Variants in SNAP25 observed in about 807,000 individuals in gnomAD.
The protein encoded by SNAP25 is synaptosome associated protein 25.
SNAP25 carries 3 observed loss-of-function variants against 28.7 expected under a neutral mutation model. That is an observed-to-expected ratio of 0.10 (90% confidence interval 0.05 to 0.27). SNAP25 has a LOEUF of 0.27. SNAP25 is among the 10% of genes least tolerant of loss of function. The pLI is 1.00. For synonymous variants in SNAP25, 61 were observed against 88.1 expected (o/e 0.69, Z 1.72); for missense variants, 117 against 278.7 (o/e 0.42, Z 4.13).
chr20:10,257,770 C>G (rs1017944997), intron 1 of SNAP25, among the ~76,000 whole-genome samples: 1 of 149,454 alleles, frequency 6.7e-6, no homozygotes, highest in Non-Finnish European at 1.5e-5. Flanking sequence ...GTAGTCCCAG[C>G]TACTCAGGAG....
At chr20:10,270,425 A>G (rs2063573513) in intron 1 of SNAP25, among the ~76,000 whole-genome samples, 1 of 152,092 alleles carries the variant, frequency 6.6e-6, no homozygotes, top group Non-Finnish European at 1.5e-5. Context: ...TCAGCTGGCC[A>G]CGATGGCTCA....
At chr20:10,272,971 G>C (rs2063623437) in intron 1 of SNAP25, among the ~76,000 whole-genome samples, 2 of 152,046 alleles carry the variant, frequency 1.3e-5, no homozygotes, top group South Asian at 2.1e-4. Context: ...TTTTTCACAA[G>C]AGCAATAAAT....
chr20:10,230,865 T>C (rs1396091110), intron 1 of SNAP25, among the ~76,000 whole-genome samples: 1 of 152,114 alleles, frequency 6.6e-6, no homozygotes, highest in Non-Finnish European at 1.5e-5. Flanking sequence ...GTTTGAAGGA[T>C]GAGGAAGGTG....
chr20:10,271,549 G>T (rs1199939618), intron 1 of SNAP25, among the ~76,000 whole-genome samples: 1 of 152,204 alleles, frequency 6.6e-6, no homozygotes, highest in Non-Finnish European at 1.5e-5. Context: ...TGAAACCAAG[G>T]GTATCTGCCA....
intron 1 of SNAP25, among the ~76,000 whole-genome samples, chr20:10,273,104 G>A (rs2063626677): frequency 6.6e-6 from 1 of 152,014 alleles, no homozygotes; most frequent in Admixed American, 6.6e-5. Context: ...ACCTGCCTCT[G>A]GGAACTTTTG....
In SNAP25 at chr20:10,275,427, A is replaced by T. The variant is rs548122584; in HGVS notation, c.-63-2A>T. On this transcript the variant is annotated splice_acceptor_variant, in intron 1 of 7. Coordinates refer to ENST00000254976, the MANE Select transcript of SNAP25 (RefSeq NM_130811.4). LOFTEE classifies it low-confidence loss of function (5UTR_SPLICE). ...CATATTTTCATATCTACTTCTTCCC[A>T]GGTCCAGAGCCAAACCCGTCACTGA... 1.0e-5 allele frequency: 15 copies of T among 1,437,998 alleles called. No individual in the cohort carries two copies. The East Asian group carries it at 3.4e-4, about 32-fold the overall frequency. The allele number at this position is 1,437,998 out of a possible 1,614,324, so 89.1% of individuals were successfully genotyped here. A position where few individuals can be genotyped will look rare whatever the true frequency, so the allele number is the denominator to read the frequency against.
At chr20:10,242,382 G>A (rs903547053) in intron 1 of SNAP25, among the ~76,000 whole-genome samples, 9 of 152,198 alleles carry the variant, frequency 5.9e-5, no homozygotes, top group African/African-American at 2.2e-4. Flanking sequence ...TTCCAGCACA[G>A]AGTGGAGGTG....
intron 1 of SNAP25, among the ~76,000 whole-genome samples, chr20:10,235,975 GA>G (rs1270098722): frequency 2.6e-5 from 4 of 152,220 alleles, no homozygotes; most frequent in Non-Finnish European, 5.9e-5. Context: ...GCCAAGCACA[GA>G]GTCAGTGTGG....
intron 7 of SNAP25, among the ~76,000 whole-genome samples, chr20:10,300,081 G>T (rs1033417383): frequency 6.6e-6 from 1 of 151,640 alleles, no homozygotes; most frequent in Non-Finnish European, 1.5e-5. Flanking sequence ...TAAAAACAGG[G>T]AATTTTATAT....
At chr20:10,242,342 A>G (rs571971355) in intron 1 of SNAP25, among the ~76,000 whole-genome samples, 1 of 152,286 alleles carries the variant, frequency 6.6e-6, no homozygotes, top group East Asian at 1.9e-4. Context: ...TCGGAGTGCC[A>G]GGCTTTGGTA....
chr20:10,284,847 C>A, intron 4 of SNAP25, 75 bp downstream of exon 4: 2 of 1,190,932 alleles, frequency 1.7e-6, no homozygotes, highest in South Asian at 1.2e-5. Context: ...TGTGCATACG[C>A]AGATGGTCGC....
chr20:10,274,974 G>T (rs576048344), intron 1 of SNAP25, among the ~76,000 whole-genome samples: 1 of 152,082 alleles, frequency 6.6e-6, no homozygotes, highest in East Asian at 1.9e-4. Flanking sequence ...TGCAGTCATG[G>T]TTTCCTGGGT....
intron 1 of SNAP25, among the ~76,000 whole-genome samples, chr20:10,256,056 C>T (rs1265936158): frequency 2.0e-5 from 3 of 152,176 alleles, no homozygotes; most frequent in Admixed American, 6.5e-5. Context: ...CTACAAGCTG[C>T]TTGCAGACAG....
chr20:10,248,514 A>T (rs2063169214), intron 1 of SNAP25, among the ~76,000 whole-genome samples: 1 of 152,202 alleles, frequency 6.6e-6, no homozygotes, highest in Admixed American at 6.5e-5. Context: ...TCTATATTTA[A>T]ATATCCAGTA....
chr20:10,247,557 C>G (rs561572631), intron 1 of SNAP25, among the ~76,000 whole-genome samples: 7 of 152,196 alleles, frequency 4.6e-5, no homozygotes, highest in Admixed American at 3.3e-4. Flanking sequence ...CTTTTTTCCT[C>G]TTGGCCTATT....
intron 1 of SNAP25, among the ~76,000 whole-genome samples, chr20:10,255,352 C>T (rs1471064714): frequency 6.6e-6 from 1 of 152,182 alleles, no homozygotes; most frequent in African/African-American, 2.4e-5. Context: ...TGTATGTTTC[C>T]TTCCAATGGG....
intron 1 of SNAP25, among the ~76,000 whole-genome samples, chr20:10,242,124 G>A (rs891969176): frequency 6.6e-6 from 1 of 152,170 alleles, no homozygotes; most frequent in African/African-American, 2.4e-5. Flanking sequence ...AAGAGAAGCT[G>A]ATTCTAAGTC....
chr20:10,236,270 C>A (rs926665899), intron 1 of SNAP25, among the ~76,000 whole-genome samples: 1 of 152,138 alleles, frequency 6.6e-6, no homozygotes, highest in Admixed American at 6.5e-5. Context: ...TATCTAGTTG[C>A]ATCTCTCCAA....
intron 7 of SNAP25, among the ~76,000 whole-genome samples, chr20:10,303,398 C>T (rs2064286350): frequency 2.0e-5 from 3 of 152,054 alleles, no homozygotes; most frequent in Non-Finnish European, 4.4e-5. Context: ...AGAACCATTG[C>T]CAGGTATTCA....
Sources: allele counts gnomAD v4.1 joint callset (sites outside exome capture counted in the v4.1 genomes callset), GRCh38; gene constraint gnomAD v4.1.1; transcripts MANE v1.5; gene names NCBI Gene and HGNC (gene_info 2026-07-23, HGNC 2026-07-21).